VPS8: variants seen among roughly 807,000 people sequenced by gnomAD.
VPS8 encodes vacuolar protein sorting-associated protein 8 homolog.
In VPS8, 129 loss-of-function variants were observed where a neutral mutation model predicts 216.4. The observed-to-expected ratio is 0.60, with a 90% confidence interval of 0.52 to 0.69. VPS8 has a LOEUF of 0.69. VPS8 is among the 30% of genes least tolerant of loss of function. The pLI is 0.00. For synonymous variants in VPS8, 571 were observed against 565.4 expected (o/e 1.01, Z -0.14); for missense variants, 1,531 against 1,683.5 (o/e 0.91, Z 1.59).
At chr3:184,948,102 T>C (rs1744007266) in intron 36 of VPS8, among the ~76,000 whole-genome samples, 1 of 152,168 alleles carries the variant, frequency 6.6e-6, no homozygotes. Flanking sequence ...CCCCCATTCT[T>C]ACTAAAGATA....
intron 21 of VPS8, among the ~76,000 whole-genome samples, chr3:184,883,528 TC>T: frequency 6.6e-6 from 1 of 152,266 alleles, no homozygotes; most frequent in South Asian, 2.1e-4. Context: ...CTCAATGCCT[TC>T]CAAACCATGA....
At chr3:184,872,623 CAAT>C (rs1219695841) in intron 21 of VPS8, among the ~76,000 whole-genome samples, 1 of 151,942 alleles carries the variant, frequency 6.6e-6, no homozygotes, top group African/African-American at 2.4e-5. Flanking sequence ...GTGAAGGAAA[CAAT>C]GGAGGGGACT....
At chr3:184,886,061 C>A in intron 21 of VPS8, 49 bp from the exon 22 acceptor site, 1 of 1,574,132 alleles carries the variant, frequency 6.4e-7, no homozygotes, top group Non-Finnish European at 8.7e-7. Flanking sequence ...ATCAGTGGAC[C>A]ACTGGACAGG....
intron 1 of VPS8, among the ~76,000 whole-genome samples, chr3:184,823,693 G>A (rs902101689): frequency 1.3e-5 from 2 of 152,036 alleles, no homozygotes; most frequent in African/African-American, 4.8e-5. Flanking sequence ...GTCACTTGTG[G>A]CCTAATTGAA....
chr3:184,981,834 C>T (rs1040216367), intron 40 of VPS8, among the ~76,000 whole-genome samples: 1 of 152,176 alleles, frequency 6.6e-6, no homozygotes, highest in African/African-American at 2.4e-5. Flanking sequence ...TACTTAACTT[C>T]AGTGAGCCTC....
rs751935553 is a variant in VPS8 at position 184,985,016 on chromosome 3, AT to A, written c.3585+1926del. Among the ~76,000 whole-genome samples, 26 of 152,134 alleles carry A rather than the reference AT, an allele frequency of 1.7e-4. 1 individual carries two copies. Among genetic ancestry groups the A allele is most frequent in the South Asian group, 1.2e-3 (6 of 4,824 alleles). ...TTATAATTTTTTCTTATCATTTTCT[AT>A]TTTCAATGGTTGTTAACTCCCACTA... On this transcript the variant is annotated intron_variant, in intron 42 of 47. Transcript: ENST00000625842.
At chr3:185,010,912 T>G (rs988380585) in intron 45 of VPS8, among the ~76,000 whole-genome samples, 1 of 151,968 alleles carries the variant, frequency 6.6e-6, no homozygotes, top group African/African-American at 2.4e-5. Flanking sequence ...GGCAAGAAGG[T>G]CACTTGAGCC....
intron 46 of VPS8, 60 bp from the exon 47 acceptor site, chr3:185,048,419 C>A: frequency 1.3e-6 from 2 of 1,523,728 alleles, no homozygotes; most frequent in South Asian, 1.1e-5. Context: ...TCGTGTAGAG[C>A]AAGTTGAGAG....
At chr3:184,885,781 G>A (rs1287291227) in intron 21 of VPS8, among the ~76,000 whole-genome samples, 1 of 152,072 alleles carries the variant, frequency 6.6e-6, no homozygotes, top group African/African-American at 2.4e-5. Context: ...GTTGTTGAAT[G>A]TAATTCATAT....
At chr3:184,980,488 AT>A (rs563661771) in intron 40 of VPS8, among the ~76,000 whole-genome samples, 2 of 149,850 alleles carry the variant, frequency 1.3e-5, no homozygotes, top group Non-Finnish European at 3.0e-5. Flanking sequence ...GGTTTTGTTC[AT>A]TTTTTTTCTT....
At chr3:184,995,221 G>A (rs1037292143) in intron 43 of VPS8, among the ~76,000 whole-genome samples, 9 of 152,206 alleles carry the variant, frequency 5.9e-5, no homozygotes, top group African/African-American at 2.2e-4. Flanking sequence ...GTACTGCAGA[G>A]TAACCCATGA....
chr3:184,861,727 C>G (rs539728346), intron 15 of VPS8, among the ~76,000 whole-genome samples: 2 of 152,292 alleles, frequency 1.3e-5, no homozygotes, highest in Admixed American at 1.3e-4. Flanking sequence ...ACACTTGCAA[C>G]GCTGCGGGTC....
intron 37 of VPS8, among the ~76,000 whole-genome samples, chr3:184,959,889 G>A (rs1023800037): frequency 4.6e-5 from 7 of 150,836 alleles, no homozygotes; most frequent in African/African-American, 1.7e-4. Context: ...TGCACAACGT[G>A]CAGGTTTGTT....
chr3:185,051,756 T>A, intron 47 of VPS8, 120 bp from the exon 48 acceptor site: 1 of 1,238,340 alleles, frequency 8.1e-7, no homozygotes, highest in South Asian at 1.8e-5. Context: ...ATTCAAACCC[T>A]GCATGTTACT....
intron 45 of VPS8, among the ~76,000 whole-genome samples, chr3:185,018,946 C>T (rs1756234246): frequency 6.6e-6 from 1 of 152,352 alleles, no homozygotes. Flanking sequence ...GATCAAGCCA[C>T]TCTTTTTCTT....
intron 45 of VPS8, among the ~76,000 whole-genome samples, chr3:185,006,314 A>T (rs1754240935): frequency 6.6e-6 from 1 of 152,310 alleles, no homozygotes; most frequent in East Asian, 1.9e-4. Flanking sequence ...CTTTACATCA[A>T]GTTGTGAGGG....
intron 34 of VPS8, among the ~76,000 whole-genome samples, chr3:184,934,166 G>GTTTTGT (rs2109268463): frequency 6.6e-6 from 1 of 151,536 alleles, no homozygotes; most frequent in Non-Finnish European, 1.5e-5. Flanking sequence ...TTTTTGTTTT[G>GTTTTGT]TTTTGTTTTG....
intron 36 of VPS8, 90 bp from the exon 37 acceptor site, chr3:184,957,284 T>C: frequency 7.6e-7 from 1 of 1,317,632 alleles, no homozygotes; most frequent in South Asian, 1.5e-5. Flanking sequence ...CTAGTTTTAA[T>C]GTAATGTGCT....
chr3:184,935,891 A>G (rs1741516305), intron 34 of VPS8, among the ~76,000 whole-genome samples: 1 of 152,274 alleles, frequency 6.6e-6, no homozygotes, highest in Admixed American at 6.5e-5. Context: ...TCTTCAAGTT[A>G]TTACTTTAAG....
Sources: gnomAD v4.1 joint callset for allele counts (sites outside exome capture counted in the v4.1 genomes callset) on GRCh38, gnomAD v4.1.1 for gene constraint, MANE v1.5 for transcripts, NCBI Gene and HGNC (gene_info 2026-07-23, HGNC 2026-07-21) for gene names.